FOXP1: variants seen among roughly 807,000 people sequenced by gnomAD.
FOXP1 encodes forkhead box P1, also known as forkhead box protein P1.
Under a neutral mutation model 98.2 loss-of-function variants are expected in FOXP1, and 15 were observed. That is an observed-to-expected ratio of 0.15 (90% CI 0.10 to 0.24). FOXP1 has a LOEUF of 0.24. Ranked by LOEUF, FOXP1 falls within the 10% of genes least tolerant of loss-of-function variation. The probability of loss-of-function intolerance (pLI) is 1.00; values close to 1 mark genes in which losing one functional copy is unlikely to be tolerated. For missense variants in FOXP1, 633 were observed against 848.5 expected (o/e 0.75, Z 3.15); for synonymous variants, 371 against 314.5 (o/e 1.18, Z -1.90).
Position 71,283,381 on chromosome 3 carries a change from A to G in FOXP1, c.-12+16439T>C, listed in dbSNP as rs1288827. Among the ~76,000 whole-genome samples, 37 of 151,704 alleles carry G rather than the reference A, an allele frequency of 2.4e-4. 1 individual carries two copies. The highest frequency in any genetic ancestry group is 8.7e-4 in the African/African-American group (36 of 41,326). Reference sequence around the variant, plus strand: ...CATAGGCCTGTTCCAAGGGTCTTAGAGCTTAAATGGACACTACTGCAAAGC... The same window carrying G: ...CATAGGCCTGTTCCAAGGGTCTTAGGGCTTAAATGGACACTACTGCAAAGC... On this transcript the variant is annotated intron_variant, in intron 5 of 20. Transcript: ENST00000649528.
chr3:71,536,340 C>A (rs1462357745), intron 2 of FOXP1, among the ~76,000 whole-genome samples: 1 of 152,128 alleles, frequency 6.6e-6, no homozygotes, highest in Non-Finnish European at 1.5e-5. Flanking sequence ...TTCGCTTACC[C>A]TACGCATCCC....
At chr3:71,357,913 G>A (rs967955851) in intron 4 of FOXP1, among the ~76,000 whole-genome samples, 4 of 151,626 alleles carry the variant, frequency 2.6e-5, no homozygotes, top group Admixed American at 1.3e-4. Context: ...ATAATGACAT[G>A]AAAACATATC....
chr3:71,131,902 GATCTGGTTTACTGCCTC>G (rs1341418215), intron 6 of FOXP1, among the ~76,000 whole-genome samples: 2 of 152,218 alleles, frequency 1.3e-5, no homozygotes, highest in Non-Finnish European at 2.9e-5. Flanking sequence ...AAATGGGAAA[GATCTGGTTTACTGCCTC>G]ATCTCCCTTC....
chr3:71,358,800 A>G (rs1251184378), intron 4 of FOXP1, among the ~76,000 whole-genome samples: 1 of 152,138 alleles, frequency 6.6e-6, no homozygotes, highest in Non-Finnish European at 1.5e-5. Flanking sequence ...CTTGTATATT[A>G]TCTATGGCTG....
chr3:71,290,437 C>T (rs1014526917), intron 5 of FOXP1, among the ~76,000 whole-genome samples: 1 of 152,178 alleles, frequency 6.6e-6, no homozygotes, highest in African/African-American at 2.4e-5. Flanking sequence ...TTCTCAGCAC[C>T]TCCCCTGCCA....
At chr3:71,546,890 G>T (rs2045404509) in intron 2 of FOXP1, among the ~76,000 whole-genome samples, 2 of 152,186 alleles carry the variant, frequency 1.3e-5, no homozygotes, top group South Asian at 4.1e-4. Context: ...AAAACTGAAG[G>T]GTCAATTTTC....
intron 4 of FOXP1, among the ~76,000 whole-genome samples, chr3:71,318,515 T>G (rs2075211154): frequency 6.6e-6 from 1 of 152,226 alleles, no homozygotes; most frequent in African/African-American, 2.4e-5. Context: ...TAATACACAC[T>G]TAACACTTGA....
intron 3 of FOXP1, among the ~76,000 whole-genome samples, chr3:71,466,356 T>C (rs573612079): frequency 6.6e-6 from 1 of 152,312 alleles, no homozygotes; most frequent in South Asian, 2.1e-4. Flanking sequence ...CTTCTGTCAT[T>C]CAAAGGGATA....
chr3:71,115,393 G>A (rs2058296105), intron 6 of FOXP1, among the ~76,000 whole-genome samples: 1 of 151,720 alleles, frequency 6.6e-6, no homozygotes, highest in Admixed American at 6.6e-5. Flanking sequence ...CTGGAGTGCA[G>A]TGGTGCAATC....
At chr3:71,210,470 T>C (rs1385917749) in intron 5 of FOXP1, among the ~76,000 whole-genome samples, 3 of 152,144 alleles carry the variant, frequency 2.0e-5, no homozygotes, top group African/African-American at 7.2e-5. Context: ...AGGCCATTTT[T>C]CAGGCTCAAG....
intron 5 of FOXP1, among the ~76,000 whole-genome samples, chr3:71,276,954 AC>A (rs2070964074): frequency 7.3e-6 from 1 of 136,446 alleles, no homozygotes. Context: ...AAGTAGATCA[AC>A]TTTTTTTTTT....
At chr3:71,112,670 A>C (rs759178199) in intron 6 of FOXP1, 33 bp from the exon 7 acceptor site, 1 of 1,504,758 alleles carries the variant, frequency 6.6e-7, no homozygotes, top group South Asian at 1.1e-5. Flanking sequence ...CCTTTGCGTT[A>C]CTACACAGGT....
At chr3:71,409,961 G>C (rs991826908) in intron 3 of FOXP1, among the ~76,000 whole-genome samples, 4 of 152,162 alleles carry the variant, frequency 2.6e-5, no homozygotes, top group Non-Finnish European at 5.9e-5. Context: ...GGTGCGGTGA[G>C]CTGTGATCAC....
chr3:70,957,281 A>G lies in FOXP1; in HGVS notation c.*1966T>C, dbSNP rs1390580585. 15 of 226,602 alleles carry G rather than the reference A, an allele frequency of 6.6e-5. No homozygotes were observed. The highest frequency in any genetic ancestry group is 8.8e-6 in the Non-Finnish European group (1 of 113,872). The allele number at this position is 226,602 out of a possible 1,614,324, so 14.0% of individuals were successfully genotyped here. A position where few individuals can be genotyped will look rare whatever the true frequency, so the allele number is the denominator to read the frequency against. On this transcript the variant is annotated 3_prime_UTR_variant, in exon 21 of 21. Coordinates refer to ENST00000649528, the MANE Select transcript of FOXP1 (RefSeq NM_001349338.3). ...TTTTGGTCTCTGTAGAGGTACACAA[A>G]AAGAAAAAGGAAAAATAACTACTAG...
At chr3:71,159,522 C>T (rs567230991) in intron 6 of FOXP1, among the ~76,000 whole-genome samples, 12 of 152,258 alleles carry the variant, frequency 7.9e-5, no homozygotes, top group African/African-American at 2.6e-4. Context: ...GTTCCTTGAC[C>T]GGACCCAGCT....
chr3:71,028,198 A>C (rs2046390877), intron 11 of FOXP1, among the ~76,000 whole-genome samples: 1 of 152,210 alleles, frequency 6.6e-6, no homozygotes, highest in South Asian at 2.1e-4. Context: ...CACAGTCTTG[A>C]GAATTTTTCT....
chr3:71,262,031 G>A lies in FOXP1; in HGVS notation c.-12+37789C>T, dbSNP rs762708548. Among the ~76,000 whole-genome samples, 236 of 152,010 alleles carry A rather than the reference G, an allele frequency of 1.6e-3. 2 individuals carry two copies. Among genetic ancestry groups the A allele is most frequent in the Non-Finnish European group, 1.3e-3 (88 of 67,984 alleles). ...GCCTGTAATCCTAGCATTTTGGGAG[G>A]CCGAGGCGGCGGGATCACGAGGTCA... is the stretch of plus-strand genomic sequence containing the variant. On this transcript the variant is annotated intron_variant, in intron 5 of 20. Coordinates refer to ENST00000649528, the MANE Select transcript of FOXP1 (RefSeq NM_001349338.3).
chr3:71,540,621 G>A (rs936975716), intron 2 of FOXP1, among the ~76,000 whole-genome samples: 11 of 152,232 alleles, frequency 7.2e-5, no homozygotes, highest in African/African-American at 2.4e-4. Context: ...CTTAAGGCAA[G>A]TATTATTATC....
At chr3:71,383,944 G>A (rs2080371354) in intron 3 of FOXP1, among the ~76,000 whole-genome samples, 3 of 152,304 alleles carry the variant, frequency 2.0e-5, no homozygotes, top group South Asian at 4.1e-4. Context: ...GCTGGCGGGC[G>A]CGGTGGCTCA....
Sources: allele counts gnomAD v4.1 joint callset (sites outside exome capture counted in the v4.1 genomes callset), GRCh38; gene constraint gnomAD v4.1.1; transcripts MANE v1.5; gene names NCBI Gene and HGNC (gene_info 2026-07-23, HGNC 2026-07-21).